The following SEL1L3 variants were observed in gnomAD, a reference collection of about 807,000 sequenced individuals.
SEL1L3 encodes SEL1L family member 3.
In SEL1L3, 76 loss-of-function variants were observed where a neutral mutation model predicts 142.8. The observed-to-expected ratio is 0.53, with a 90% CI of 0.44 to 0.64. The LOEUF is 0.64. SEL1L3 is among the 30% of genes least tolerant of loss of function. The pLI, the probability that SEL1L3 is intolerant of heterozygous loss-of-function variation, is 0.00. For synonymous variants in SEL1L3, 504 were observed against 519.6 expected (o/e 0.97, Z 0.41); for missense variants, 1,262 against 1,381.7 (o/e 0.91, Z 1.37).
At position 25,763,996 on chromosome 4, in the gene SEL1L3, A is replaced by G. The variant is rs28705207; in HGVS notation, c.2955+1330T>C. On this transcript the variant is annotated intron_variant, in intron 20 of 23. Coordinates refer to ENST00000399878, the MANE Select transcript of SEL1L3 (RefSeq NM_015187.5). ...TATCCAAACCTCCATCATGAAAATG[A>G]TTCTGAGGTTCTCAAAAGAGGATTC... Among the ~76,000 whole-genome samples, 1,020 of 152,344 alleles carry G rather than the reference A, an allele frequency of 6.7e-3. 16 individuals are homozygous for G. Among genetic ancestry groups the G allele is most frequent in the African/African-American group, 0.023 (975 of 41,568 alleles).
intron 9 of SEL1L3, among the ~76,000 whole-genome samples, chr4:25,816,350 G>C (rs750013073): frequency 3.9e-5 from 6 of 152,026 alleles, no homozygotes; most frequent in Non-Finnish European, 8.8e-5. Flanking sequence ...CACACAGCTA[G>C]TGAGTGTTAA....
intron 13 of SEL1L3, 85 bp from the exon 14 acceptor site, chr4:25,784,375 A>G: frequency 9.3e-7 from 1 of 1,071,694 alleles, no homozygotes; most frequent in African/African-American, 1.6e-5. Context: ...GATATAAAAT[A>G]CTTAAAAATA....
At chr4:25,734,830 A>G in the SEL1L3 span, among the ~76,000 whole-genome samples, 2 of 152,092 alleles carry the variant, frequency 1.3e-5, no homozygotes, top group African/African-American at 2.4e-5. Flanking sequence ...CAGCCTCCCA[A>G]AATGCTGGGA....
intron 17 of SEL1L3, among the ~76,000 whole-genome samples, chr4:25,768,842 T>C (rs1009471881): frequency 6.6e-6 from 1 of 152,006 alleles, no homozygotes; most frequent in Admixed American, 6.6e-5. Flanking sequence ...AAACAATGCA[T>C]CTTATTTTTG....
At chr4:25,735,723 T>G in the SEL1L3 span, among the ~76,000 whole-genome samples, 1 of 151,924 alleles carries the variant, frequency 6.6e-6, no homozygotes, top group East Asian at 1.9e-4. Flanking sequence ...TTTTTTTTCT[T>G]TTTAAACCCA....
the SEL1L3 span, among the ~76,000 whole-genome samples, chr4:25,737,263 G>A: frequency 1.1e-4 from 17 of 152,302 alleles, no homozygotes; most frequent in South Asian, 8.3e-4. Flanking sequence ...GATTACAGGC[G>A]TGAGTCACCA....
intron 6 of SEL1L3, 39 bp from the exon 7 acceptor site, chr4:25,822,167 G>A (rs776150466): frequency 8.1e-5 from 130 of 1,610,500 alleles, no homozygotes; most frequent in South Asian, 3.4e-4. Flanking sequence ...GCTCCATGCC[G>A]GAACTAGATG....
At chr4:25,776,235 G>T in intron 17 of SEL1L3, 42 bp downstream of exon 17, 2 of 1,316,706 alleles carry the variant, frequency 1.5e-6, no homozygotes, top group Non-Finnish European at 2.2e-6. Context: ...TATACTGACA[G>T]ACAGGGAAAA....
chr4:25,814,628 G>A (rs554784130), intron 9 of SEL1L3, among the ~76,000 whole-genome samples: 1 of 152,074 alleles, frequency 6.6e-6, no homozygotes, highest in African/African-American at 2.4e-5. Flanking sequence ...GAGCCAGCTA[G>A]GGCCAGACGC....
Position 25,820,177 on chromosome 4 carries a change from A to T in SEL1L3, c.1291-237T>A, listed in dbSNP as rs143198539. 1.9e-4 allele frequency among the ~76,000 whole-genome samples: 29 copies of T among 152,228 alleles called. 1 individual carries two copies. In the East Asian group the frequency reaches 4.6e-3, roughly 24 times the overall value. On this transcript the variant is annotated intron_variant, in intron 7 of 23. Transcript: ENST00000399878. ...TTGTGTCCAGCTTCTTAAATGTCAG[A>T]ATTTCCCAGAGACTGGGACTCTTCC...
At chr4:25,835,915 A>G (rs1272598352) in intron 2 of SEL1L3, among the ~76,000 whole-genome samples, 1 of 152,234 alleles carries the variant, frequency 6.6e-6, no homozygotes, top group East Asian at 1.9e-4. Context: ...ATTTCACAAC[A>G]AACTATGAAA....
upstream of SEL1L3, chr4:25,862,995 C>A (rs889449027): frequency 7.0e-6 from 2 of 284,426 alleles, no homozygotes; most frequent in Non-Finnish European, 1.0e-5. Flanking sequence ...CACTGCCGCT[C>A]CCGCCGTCGC....
intron 19 of SEL1L3, among the ~76,000 whole-genome samples, chr4:25,767,312 T>C (rs970902732): frequency 4.6e-5 from 7 of 151,934 alleles, no homozygotes; most frequent in African/African-American, 1.4e-4. Flanking sequence ...ATAAGAAATG[T>C]TGGGTCCAAG....
intron 10 of SEL1L3, 29 bp from the exon 11 acceptor site, chr4:25,802,491 A>G (rs1713251718): frequency 6.3e-6 from 10 of 1,588,306 alleles, no homozygotes; most frequent in African/African-American, 1.3e-5. Context: ...CAAAGCGTTC[A>G]TGAGATTGTA....
downstream of SEL1L3, among the ~76,000 whole-genome samples, chr4:25,746,515 T>TATTTAA (rs1553861770): frequency 4.2e-5 from 3 of 70,820 alleles, 1 homozygote; most frequent in African/African-American, 1.3e-4. Flanking sequence ...TAAATATATA[T>TATTTAA]ATATATATAT....
chr4:25,735,676 T>C, the SEL1L3 span, among the ~76,000 whole-genome samples: 1 of 151,864 alleles, frequency 6.6e-6, no homozygotes. Context: ...CAAACGTTGA[T>C]GTTGTTTTTA....
intron 6 of SEL1L3, among the ~76,000 whole-genome samples, chr4:25,825,221 G>A (rs1358701512): frequency 6.6e-6 from 1 of 152,070 alleles, no homozygotes; most frequent in Non-Finnish European, 1.5e-5. Context: ...TTATTATCAA[G>A]CAATAGGATA....
chr4:25,813,672 C>T (rs1714181502), intron 9 of SEL1L3, among the ~76,000 whole-genome samples: 1 of 152,070 alleles, frequency 6.6e-6, no homozygotes, highest in African/African-American at 2.4e-5. Context: ...ACTGTGTACA[C>T]CTAAAACTGG....
At chr4:25,858,114 C>T (rs929805441) in intron 1 of SEL1L3, among the ~76,000 whole-genome samples, 2 of 152,234 alleles carry the variant, frequency 1.3e-5, no homozygotes, top group African/African-American at 2.4e-5. Flanking sequence ...AGGCTATTTA[C>T]GGTCTACTCC....
Sources: allele counts gnomAD v4.1 joint callset (sites outside exome capture counted in the v4.1 genomes callset), GRCh38; gene constraint gnomAD v4.1.1; transcripts MANE v1.5; gene names NCBI Gene and HGNC (gene_info 2026-07-23, HGNC 2026-07-21).